The following CEP162 variants were observed in gnomAD, a reference collection of about 807,000 sequenced individuals.
The protein encoded by CEP162 is centrosomal protein of 162 kDa.
Under a neutral mutation model 169.2 loss-of-function variants are expected in CEP162, and 141 were observed. The observed-to-expected ratio is 0.83, with a 90% confidence interval of 0.73 to 0.96. The LOEUF is 0.96. Among genes scored for constraint, CEP162 ranks in the 40% least tolerant of loss-of-function variants. The pLI is 0.00. For missense variants in CEP162, 1,600 were observed against 1,587.2 expected, an observed-to-expected ratio of 1.01 and a Z score of -0.14; for synonymous variants, 540 against 526.4, an observed-to-expected ratio of 1.03 and a Z score of -0.35.
intron 25 of CEP162, among the ~76,000 whole-genome samples, chr6:84,144,050 T>A (rs2099517805): frequency 6.6e-6 from 1 of 152,024 alleles, no homozygotes; most frequent in East Asian, 1.9e-4. Flanking sequence ...TAATCAAATG[T>A]TTTAAACTTT....
Position 84,200,862 on chromosome 6 carries a change from A to G in CEP162, c.762T>C (p.Leu254=), listed in dbSNP as rs1481465244. The G allele has an allele frequency of 6.2e-7, 1 of 1,612,142 alleles. No individual in the cohort carries two copies. Among genetic ancestry groups the G allele is most frequent in the East Asian group, 2.2e-5 (1 of 44,828 alleles). ...DSLDSVAEVN[L]DEQDKITPKP... ...TAGGTGTTATTTTATCTTGTTCATC[A>G]AGATTGACCTCTGCAACAGAGTCTA... is the stretch of plus-strand genomic sequence containing the variant. The change falls in exon 9 of 27, where the codon CTT becomes CTC. Residue 254 remains leucine (L), a synonymous_variant. Transcript: ENST00000403245.
At chr6:84,204,765 C>G (rs976073069) in intron 6 of CEP162, among the ~76,000 whole-genome samples, 1 of 152,186 alleles carries the variant, frequency 6.6e-6, no homozygotes, top group Non-Finnish European at 1.5e-5. Flanking sequence ...ACAAAAAACG[C>G]TTCAAAAAAT....
chr6:84,180,356 G>A (rs1019836468), intron 13 of CEP162, among the ~76,000 whole-genome samples: 13 of 152,150 alleles, frequency 8.5e-5, no homozygotes, highest in African/African-American at 2.7e-4. Context: ...AAAATAATAA[G>A]AGCTATTTAT....
At chr6:84,155,578 T>C (rs546231730) in intron 21 of CEP162, 68 bp from the exon 22 acceptor site, 3 of 1,066,552 alleles carry the variant, frequency 2.8e-6, no homozygotes, top group Non-Finnish European at 4.1e-6. Context: ...AGTTTCAGGA[T>C]ACAATCTACA....
intron 25 of CEP162, among the ~76,000 whole-genome samples, chr6:84,130,543 T>C (rs1448026941): frequency 1.3e-5 from 2 of 152,206 alleles, no homozygotes; most frequent in African/African-American, 2.4e-5. Context: ...GAACTTGTTA[T>C]TGGTCTATTC....
At chr6:84,211,895 C>CAA (rs577310104) in intron 6 of CEP162, among the ~76,000 whole-genome samples, 2 of 104,726 alleles carry the variant, frequency 1.9e-5, no homozygotes, top group African/African-American at 7.0e-5. Flanking sequence ...GTCAAATTGC[C>CAA]AAAAAAAAAA....
At chr6:84,200,119 G>A (rs1358227836) in intron 9 of CEP162, among the ~76,000 whole-genome samples, 2 of 152,126 alleles carry the variant, frequency 1.3e-5, no homozygotes, top group African/African-American at 2.4e-5. Context: ...CTGGTGTGGT[G>A]GCAAGCGCCT....
Position 84,204,027 on chromosome 6 carries a change from G to A in CEP162, c.641C>T (p.Pro214Leu). ...APLTTKDEEMPSKENSKSEKI... is the reference protein window; with the variant it reads ...APLTTKDEEMLSKENSKSEKI... ...TTCTGATTTGGAATTCTCTTTGGAA[G>A]GCATCTCTTCATCTTTAGTAGTCAA... The change falls in exon 7 of 27, where the codon CCT (proline) becomes CTT (leucine). Residue 214 changes from proline (P) to leucine (L), a missense_variant. Pro to Leu is a moderately conservative substitution (Grantham distance 98). Transcript: ENST00000403245. 2 of 1,610,164 alleles carry A rather than the reference G, an allele frequency of 1.2e-6. No homozygotes were observed. Among genetic ancestry groups the A allele is most frequent in the Non-Finnish European group, 1.7e-6 (2 of 1,178,102 alleles).
chr6:84,195,950 C>T (rs917442213), intron 9 of CEP162, among the ~76,000 whole-genome samples: 1 of 152,208 alleles, frequency 6.6e-6, no homozygotes, highest in Non-Finnish European at 1.5e-5. Flanking sequence ...ATCACATCTA[C>T]ATATTCCCCA....
chr6:84,222,694 C>T (rs114867060), intron 2 of CEP162, among the ~76,000 whole-genome samples: 1 of 152,202 alleles, frequency 6.6e-6, no homozygotes, highest in South Asian at 2.1e-4. Flanking sequence ...TTCCACTATA[C>T]TATGTAGTTC....
chr6:84,218,386 G>A (rs894612727), intron 3 of CEP162, among the ~76,000 whole-genome samples: 2 of 152,228 alleles, frequency 1.3e-5, no homozygotes, highest in Non-Finnish European at 2.9e-5. Flanking sequence ...TCATAGGCCA[G>A]CAGAGGGTCT....
chr6:84,161,184 A>C (rs1023650344), intron 20 of CEP162, among the ~76,000 whole-genome samples: 3 of 152,174 alleles, frequency 2.0e-5, no homozygotes, highest in Non-Finnish European at 2.9e-5. Flanking sequence ...AAGCTAATAA[A>C]TAAAGTAAAT....
intron 11 of CEP162, among the ~76,000 whole-genome samples, chr6:84,190,531 G>C (rs2099539415): frequency 6.6e-6 from 1 of 152,152 alleles, no homozygotes; most frequent in Admixed American, 6.5e-5. Context: ...AAGATCTGCA[G>C]CTTCACTCCT....
At chr6:84,197,550 C>A (rs927274723) in intron 9 of CEP162, among the ~76,000 whole-genome samples, 1 of 151,994 alleles carries the variant, frequency 6.6e-6, no homozygotes, top group Non-Finnish European at 1.5e-5. Context: ...CAGTGGCTCA[C>A]GCCTGTAATC....
chr6:84,198,442 T>C (rs775896479), intron 9 of CEP162, among the ~76,000 whole-genome samples: 1 of 152,124 alleles, frequency 6.6e-6, no homozygotes, highest in African/African-American at 2.4e-5. Context: ...CACACCTGGC[T>C]AATTTTCTGT....
chr6:84,198,705 AATG>A (rs1378564749), intron 9 of CEP162, among the ~76,000 whole-genome samples: 1 of 152,220 alleles, frequency 6.6e-6, no homozygotes, highest in African/African-American at 2.4e-5. Context: ...TGACATAAAT[AATG>A]ATGATAATAA....
chr6:84,193,488 G>A, intron 11 of CEP162, 121 bp downstream of exon 11: 2 of 521,886 alleles, frequency 3.8e-6, no homozygotes, highest in Admixed American at 3.7e-5. Flanking sequence ...AAAGAAGAGA[G>A]TTATGACTCA....
At chr6:84,187,857 G>A (rs1311710516) in intron 11 of CEP162, among the ~76,000 whole-genome samples, 2 of 152,132 alleles carry the variant, frequency 1.3e-5, no homozygotes, top group Non-Finnish European at 2.9e-5. Context: ...CTTTTAACAA[G>A]ATATTACCAA....
intron 11 of CEP162, among the ~76,000 whole-genome samples, chr6:84,192,316 T>C (rs939268105): frequency 6.6e-6 from 1 of 152,240 alleles, no homozygotes; most frequent in Admixed American, 6.5e-5. Context: ...TAAACACAAA[T>C]GTAAAAATCT....
Sources: allele counts gnomAD v4.1 joint callset (sites outside exome capture counted in the v4.1 genomes callset), GRCh38; gene constraint gnomAD v4.1.1; transcripts MANE v1.5; gene names NCBI Gene and HGNC (gene_info 2026-07-23, HGNC 2026-07-21).